DNAH8: variants seen among roughly 807,000 people sequenced by gnomAD.
The protein encoded by DNAH8 is dynein axonemal heavy chain 8.
A neutral mutation model predicts 562.1 loss-of-function variants in DNAH8; 382 were observed. The ratio of observed to expected loss-of-function variants is 0.68; its 90% CI spans 0.63 to 0.74. The LOEUF (loss-of-function observed/expected upper bound fraction) is 0.74, where lower values mean the gene tolerates loss of function less well. Among genes scored for constraint, DNAH8 ranks in the 30% least tolerant of loss-of-function variants. The probability of loss-of-function intolerance (pLI) is 0.00; values close to 1 mark genes in which losing one functional copy is unlikely to be tolerated. For missense variants in DNAH8, 5,203 were observed against 5,620.4 expected, an observed-to-expected ratio of 0.93 and a Z score of 2.37; for synonymous variants, 1,881 against 1,919.4, an observed-to-expected ratio of 0.98 and a Z score of 0.52.
At chr6:38,828,804 T>A (rs1678725) in intron 30 of DNAH8, among the ~76,000 whole-genome samples, 1 of 151,978 alleles carries the variant, frequency 6.6e-6, no homozygotes, top group Non-Finnish European at 1.5e-5. Context: ...ATATTCACAT[T>A]GTTGCTTAAC....
chr6:38,881,677 G>A (rs536378461), intron 53 of DNAH8, among the ~76,000 whole-genome samples: 4 of 150,520 alleles, frequency 2.7e-5, no homozygotes, highest in East Asian at 2.0e-4. Flanking sequence ...TCAGCCTCCC[G>A]AGTAGCTGGG....
chr6:38,716,176 T>C (rs1474831656), intron 1 of DNAH8, among the ~76,000 whole-genome samples: 1 of 150,704 alleles, frequency 6.6e-6, no homozygotes, highest in Non-Finnish European at 1.5e-5. Flanking sequence ...TTAGCCAAGA[T>C]GGTCTCGATC....
chr6:38,752,238 A>G (rs1401013087), intron 9 of DNAH8, among the ~76,000 whole-genome samples: 1 of 148,852 alleles, frequency 6.7e-6, no homozygotes, highest in East Asian at 2.0e-4. Context: ...ATCTCTGCTC[A>G]CTGCAACCTC....
Position 38,907,937 on chromosome 6 carries a change from C to A in DNAH8, c.9349-19C>A. ...AGAACTCTTAAAACACAGAACACTT[C>A]CTTGTCCATTCCTTAAAGATCTCCA... is the stretch of plus-strand genomic sequence containing the variant. On this transcript the variant is annotated intron_variant, in intron 63 of 92. Coordinates refer to ENST00000327475, the MANE Select transcript of DNAH8 (RefSeq NM_001206927.2). 1 of 1,566,518 alleles carries A rather than the reference C, an allele frequency of 6.4e-7. No individual in the cohort carries two copies. Among genetic ancestry groups the A allele is most frequent in the Non-Finnish European group, 8.6e-7 (1 of 1,157,906 alleles).
chr6:38,845,893 C>A, intron 36 of DNAH8, 120 bp downstream of exon 36: 2 of 813,174 alleles, frequency 2.5e-6, no homozygotes, highest in Non-Finnish European at 2.0e-6. Flanking sequence ...TTGGTATTAT[C>A]TTGTCTGTTC....
intron 3 of DNAH8, among the ~76,000 whole-genome samples, chr6:38,729,097 G>A (rs1391388118): frequency 6.6e-6 from 1 of 152,114 alleles, no homozygotes; most frequent in Admixed American, 6.6e-5. Context: ...CAGCTACTCG[G>A]GAGACTGATG....
At chr6:38,849,253 T>C (rs948874575) in intron 37 of DNAH8, among the ~76,000 whole-genome samples, 2 of 152,164 alleles carry the variant, frequency 1.3e-5, no homozygotes, top group African/African-American at 2.4e-5. Flanking sequence ...CCTCATAATA[T>C]TCCTCTGAGA....
intron 24 of DNAH8, among the ~76,000 whole-genome samples, chr6:38,808,078 T>G (rs1771457903): frequency 6.6e-6 from 1 of 152,240 alleles, no homozygotes. Context: ...TGAACTGTGC[T>G]TGGTATAATG....
Position 38,877,657 on chromosome 6 carries a change from A to G in DNAH8, c.7858+1829A>G, listed in dbSNP as rs138371550. Among the ~76,000 whole-genome samples the G allele has an allele frequency of 2.5e-4, 38 of 152,342 alleles. 2 individuals carry two copies. The East Asian group carries it at 4.8e-3, about 19-fold the overall frequency. On this transcript the variant is annotated intron_variant, in intron 53 of 92. Coordinates refer to ENST00000327475, the MANE Select transcript of DNAH8 (RefSeq NM_001206927.2). ...ATGTCCACTCAGCTGACTTCTAGCC[A>G]GCCCTTTCTTAACTCATTCTTCATC...
chr6:38,883,313 T>C lies in DNAH8; in HGVS notation c.8002-9T>C, dbSNP rs777905738. ...AACACATTTCAACACTATTATCCTA[T>C]GATTGCAGGCTGTTTTGCTCACAGG... On this transcript the variant is annotated splice_polypyrimidine_tract_variant and intron_variant, in intron 54 of 92. Transcript: ENST00000327475. 1 of 1,603,578 alleles carries C rather than the reference T, an allele frequency of 6.2e-7. No homozygotes were observed. Among genetic ancestry groups the C allele is most frequent in the South Asian group, 1.1e-5 (1 of 88,224 alleles).
chr6:38,867,628 C>G (rs557913920), intron 47 of DNAH8, among the ~76,000 whole-genome samples: 11 of 151,458 alleles, frequency 7.3e-5, no homozygotes, highest in African/African-American at 2.2e-4. Context: ...TGGCACGCGC[C>G]TATAATCCCA....
At chr6:39,008,690 C>CTTTT (rs1583558624) in intron 88 of DNAH8, 124 bp from the exon 89 acceptor site, 1 of 481,044 alleles carries the variant, frequency 2.1e-6, no homozygotes, top group African/African-American at 2.9e-5. Context: ...GTTAACTTTT[C>CTTTT]TTCTTTTTTT....
chr6:38,857,839 G>T, intron 42 of DNAH8, 97 bp downstream of exon 42: 1 of 766,202 alleles, frequency 1.3e-6, no homozygotes, highest in Admixed American at 2.9e-5. Flanking sequence ...CCATTTACTT[G>T]GTCCTTTTTC....
intron 62 of DNAH8, among the ~76,000 whole-genome samples, chr6:38,904,829 G>C (rs1324364342): frequency 6.8e-6 from 1 of 147,932 alleles, no homozygotes; most frequent in Non-Finnish European, 1.5e-5. Context: ...ATCTGAAAAT[G>C]TTAAGACATG....
intron 4 of DNAH8, among the ~76,000 whole-genome samples, chr6:38,731,176 A>C (rs770446174): frequency 6.6e-6 from 1 of 152,200 alleles, no homozygotes; most frequent in Non-Finnish European, 1.5e-5. Flanking sequence ...TGTGTGGTCT[A>C]TATTTTTATA....
intron 82 of DNAH8, 111 bp downstream of exon 82, chr6:38,951,631 C>A (rs186562188): frequency 8.7e-6 from 8 of 915,268 alleles, no homozygotes; most frequent in African/African-American, 6.7e-5. Context: ...AAACTGAATT[C>A]GAAAAATATT....
chr6:38,850,413 G>C lies in DNAH8; in HGVS notation c.5362G>C (p.Gly1788Arg). ...GGAAGTATGTCAGAAGTCACTCACA[G>C]GGTAAGAGTTTAATTTTTAAATCAC... ...QLEVCQKSLT[G>R]YLEKKRLLFP... is the part of the protein sequence containing the mutation. Residue 1788 changes from glycine (G) to arginine (R), a missense_variant and splice_region_variant, in exon 38 of 93, where the codon GGG becomes CGG. Physicochemically the swap from Gly to Arg is moderately radical, Grantham distance 125. This residue lies in a region of DNAH8 where 2,176 missense variants were observed against 2,365.1 expected (regional missense o/e 0.92). Coordinates refer to ENST00000327475, the MANE Select transcript of DNAH8 (RefSeq NM_001206927.2). 5 of 1,609,832 alleles carry C rather than the reference G, an allele frequency of 3.1e-6. No homozygotes were observed. Among genetic ancestry groups the C allele is most frequent in the Non-Finnish European group, 4.2e-6 (5 of 1,178,336 alleles).
chr6:39,005,947 A>G lies in DNAH8; in HGVS notation c.13215-2867A>G, dbSNP rs113517584. Among the ~76,000 whole-genome samples, 304 of 152,368 alleles carry G rather than the reference A, an allele frequency of 2.0e-3. 1 individual carries two copies. The highest frequency in any genetic ancestry group is 6.9e-3 in the African/African-American group (286 of 41,592). ...AAGGGCGGGAGGGATTTGGCTTGCC[A>G]TTACTGGCTTTGCAAATATAGAAAG... On this transcript the variant is annotated intron_variant, in intron 88 of 92. Coordinates refer to ENST00000327475, the MANE Select transcript of DNAH8 (RefSeq NM_001206927.2).
In DNAH8 at chr6:38,874,803, C is replaced by G. The variant is rs112979289; in HGVS notation, c.7621-788C>G. Among the ~76,000 whole-genome samples, 558 of 152,276 alleles carry G rather than the reference C, an allele frequency of 3.7e-3. 2 individuals carry two copies. The highest frequency in any genetic ancestry group is 0.014 in the Middle Eastern group (4 of 294). On this transcript the variant is annotated intron_variant, in intron 52 of 92. Coordinates refer to ENST00000327475, the MANE Select transcript of DNAH8 (RefSeq NM_001206927.2). ...TTACACATTCTAGAGCTTCAATTCT[C>G]AGTTAAGAGAGTCAGTCATTTGTGG...
Sources: gnomAD v4.1 joint callset for allele counts (sites outside exome capture counted in the v4.1 genomes callset) on GRCh38, gnomAD v4.1.1 for gene constraint, gnomAD v4.1.1 regional missense constraint, MANE v1.5 for transcripts, NCBI Gene and HGNC (gene_info 2026-07-23, HGNC 2026-07-21) for gene names.